PCSK5: variants seen among roughly 807,000 people sequenced by gnomAD.
PCSK5 encodes prohormone convertase 5.
PCSK5 carries 129 observed loss-of-function variants against 233.2 expected under a neutral mutation model. The observed-to-expected ratio is 0.55, with a 90% CI of 0.48 to 0.64. The LOEUF is 0.64. Among genes scored for constraint, PCSK5 ranks in the 30% least tolerant of loss-of-function variants. The pLI is 0.00. For missense variants in PCSK5, 2,076 were observed against 2,430.1 expected, an observed-to-expected ratio of 0.85 and a Z score of 3.06; for synonymous variants, 825 against 879.2, an observed-to-expected ratio of 0.94 and a Z score of 1.09.
intron 1 of PCSK5, among the ~76,000 whole-genome samples, chr9:75,905,738 G>A (rs977441387): frequency 2.6e-5 from 4 of 152,162 alleles, no homozygotes; most frequent in Non-Finnish European, 5.9e-5. Flanking sequence ...GTAGCAGGGC[G>A]AACCCTGTTG....
At chr9:76,309,649 C>A (rs1828806293) in intron 29 of PCSK5, among the ~76,000 whole-genome samples, 1 of 151,198 alleles carries the variant, frequency 6.6e-6, no homozygotes, top group South Asian at 2.1e-4. Context: ...TGCACTTCAA[C>A]CTGGATGACA....
chr9:75,929,192 C>T (rs1823661896), intron 1 of PCSK5, among the ~76,000 whole-genome samples: 2 of 152,198 alleles, frequency 1.3e-5, no homozygotes, highest in Non-Finnish European at 2.9e-5. Flanking sequence ...CTCAGCCTCC[C>T]AAAGTGATGG....
At chr9:76,248,710 A>T (rs1042533809) in intron 24 of PCSK5, among the ~76,000 whole-genome samples, 1 of 152,230 alleles carries the variant, frequency 6.6e-6, no homozygotes, top group African/African-American at 2.4e-5. Flanking sequence ...CATCACTATT[A>T]TCAGTTCCAT....
intron 3 of PCSK5, among the ~76,000 whole-genome samples, chr9:75,997,521 G>T (rs1245020793): frequency 3.9e-5 from 6 of 152,156 alleles, no homozygotes; most frequent in Non-Finnish European, 8.8e-5. Context: ...ACTGGTGGTG[G>T]ATAGTCCAAA....
At chr9:76,024,902 G>C (rs1324784806) in intron 4 of PCSK5, among the ~76,000 whole-genome samples, 1 of 152,140 alleles carries the variant, frequency 6.6e-6, no homozygotes, top group African/African-American at 2.4e-5. Context: ...TGGTTTTGGA[G>C]ATACTGTTTC....
At chr9:76,212,522 G>A (rs1825370017) in intron 20 of PCSK5, among the ~76,000 whole-genome samples, 1 of 152,224 alleles carries the variant, frequency 6.6e-6, no homozygotes, top group African/African-American at 2.4e-5. Context: ...AACGCACAGT[G>A]CTACGCCAGG....
chr9:76,169,417 T>C (rs1823232641), intron 12 of PCSK5, among the ~76,000 whole-genome samples: 1 of 152,002 alleles, frequency 6.6e-6, no homozygotes, highest in African/African-American at 2.4e-5. Context: ...CTACTGTCAG[T>C]CTTGTAGGTA....
At chr9:76,201,213 C>A (rs1372294437) in intron 20 of PCSK5, among the ~76,000 whole-genome samples, 1 of 152,154 alleles carries the variant, frequency 6.6e-6, no homozygotes, top group East Asian at 1.9e-4. Context: ...TCCCCTAGCC[C>A]TCTAAACTGT....
At chr9:76,242,220 G>T (rs1826451713) in intron 24 of PCSK5, among the ~76,000 whole-genome samples, 1 of 152,066 alleles carries the variant, frequency 6.6e-6, no homozygotes, top group African/African-American at 2.4e-5. Context: ...TCATTTCGTT[G>T]TGCTAGGAAT....
chr9:76,285,818 G>GAA (rs143506106), intron 24 of PCSK5, among the ~76,000 whole-genome samples: 2 of 146,970 alleles, frequency 1.4e-5, no homozygotes, highest in African/African-American at 5.0e-5. Flanking sequence ...AATAAAATTA[G>GAA]AAAAAAAAAA....
At position 76,347,393 on chromosome 9, in the gene PCSK5, T is replaced by G. The variant is rs1830006517; in HGVS notation, c.4967-3435T>G. Among the ~76,000 whole-genome samples the G allele has an allele frequency of 2.0e-5, 3 of 152,126 alleles. No individual in the cohort carries two copies. In the South Asian group the frequency reaches 6.2e-4, roughly 32 times the overall value. ...AATGATAGATGTAGGGTGTTAAACT[T>G]TAAAATAATAGAAAGCCTTCTGGAA... is the stretch of plus-strand genomic sequence containing the variant. On this transcript the variant is annotated intron_variant, in intron 35 of 37. Coordinates refer to ENST00000674117, the MANE Select transcript of PCSK5 (RefSeq NM_001372043.1).
chr9:75,964,773 T>A (rs1157727936), intron 2 of PCSK5, among the ~76,000 whole-genome samples: 1 of 152,262 alleles, frequency 6.6e-6, no homozygotes, highest in Non-Finnish European at 1.5e-5. Flanking sequence ...GCTCATTGCG[T>A]ATCTACTATA....
At chr9:76,043,789 C>T (rs1002472144) in intron 5 of PCSK5, among the ~76,000 whole-genome samples, 22 of 152,218 alleles carry the variant, frequency 1.4e-4, no homozygotes, top group Non-Finnish European at 2.9e-4. Flanking sequence ...CTAGGCTGGT[C>T]TTGAACTCCT....
At chr9:75,904,547 C>G (rs1826180455) in intron 1 of PCSK5, among the ~76,000 whole-genome samples, 1 of 152,188 alleles carries the variant, frequency 6.6e-6, no homozygotes, top group Non-Finnish European at 1.5e-5. Flanking sequence ...TGTATAACAT[C>G]ATTAGTCACC....
At chr9:75,906,654 A>G (rs1192222292) in intron 1 of PCSK5, among the ~76,000 whole-genome samples, 1 of 152,204 alleles carries the variant, frequency 6.6e-6, no homozygotes, top group African/African-American at 2.4e-5. Context: ...ATGGAGACTA[A>G]CAAGGAAGAA....
intron 3 of PCSK5, among the ~76,000 whole-genome samples, chr9:75,993,280 G>C (rs143234667): frequency 1.9e-4 from 29 of 152,148 alleles, no homozygotes; most frequent in Middle Eastern, 6.8e-3. Flanking sequence ...ATAATGGACT[G>C]GTAGGAACTA....
intron 24 of PCSK5, among the ~76,000 whole-genome samples, chr9:76,242,351 A>G (rs1175160515): frequency 6.6e-6 from 1 of 152,180 alleles, no homozygotes; most frequent in African/African-American, 2.4e-5. Flanking sequence ...TACATTTTCT[A>G]TAATATCTGT....
At chr9:76,102,082 G>A (rs1368111792) in intron 8 of PCSK5, among the ~76,000 whole-genome samples, 2 of 152,164 alleles carry the variant, frequency 1.3e-5, no homozygotes, top group Admixed American at 6.5e-5. Context: ...TCATTTTAAT[G>A]GCCTGAAGGA....
chr9:76,122,619 C>T (rs993746260), intron 9 of PCSK5, among the ~76,000 whole-genome samples: 3 of 151,646 alleles, frequency 2.0e-5, no homozygotes, highest in Non-Finnish European at 2.9e-5. Flanking sequence ...CCTTTTGGCC[C>T]AATGTAGCTT....
Sources: allele counts gnomAD v4.1 joint callset (sites outside exome capture counted in the v4.1 genomes callset), GRCh38; gene constraint gnomAD v4.1.1; transcripts MANE v1.5; gene names NCBI Gene and HGNC (gene_info 2026-07-23, HGNC 2026-07-21).